Variants in PLAC1 observed in about 807,000 individuals in gnomAD.
The protein encoded by PLAC1 is placenta associated 1, also known as placenta-specific protein 1.
For synonymous variants in PLAC1, 68 were observed against 62.1 expected (o/e 1.09, Z -0.44); for missense variants, 136 against 163.2 (o/e 0.83, Z 0.91).
At chrX:134,569,788 T>TTGTGTGTGTG (rs1222390458) in intron 2 of PLAC1, among the ~76,000 whole-genome samples, 1 of 47,384 alleles carries the variant, frequency 2.1e-5, no homozygotes, top group African/African-American at 8.7e-5. Flanking sequence ...GTGTGTGTGT[T>TTGTGTGTGTG]TGTGTGTGTG....
At chrX:134,692,144 G>A (rs2147822380) in intron 2 of PLAC1, among the ~76,000 whole-genome samples, 1 of 111,856 alleles carries the variant, frequency 8.9e-6, no homozygotes, top group South Asian at 3.7e-4. Flanking sequence ...CTGAACCAGG[G>A]TGTAATAGGC....
intron 2 of PLAC1, among the ~76,000 whole-genome samples, chrX:134,680,695 G>A (rs939478956): frequency 1.1e-4 from 12 of 112,075 alleles, no homozygotes; most frequent in African/African-American, 3.6e-4. Flanking sequence ...AGTTCTATAT[G>A]TGGTGCATTC....
At chrX:134,748,946 A>G (rs2078735123) in intron 1 of PLAC1, among the ~76,000 whole-genome samples, 1 of 112,320 alleles carries the variant, frequency 8.9e-6, no homozygotes, top group Non-Finnish European at 1.9e-5. Flanking sequence ...TTAGAAGAAG[A>G]GTTCTAATCA....
intron 1 of PLAC1, among the ~76,000 whole-genome samples, chrX:134,756,470 C>G (rs1199348026): frequency 9.1e-6 from 1 of 110,307 alleles, no homozygotes; most frequent in Non-Finnish European, 1.9e-5. Flanking sequence ...ACCAAATTAC[C>G]TTTTTGTCCA....
chrX:134,761,866 A>C (rs1248068480), intron 1 of PLAC1, among the ~76,000 whole-genome samples: 1 of 112,351 alleles, frequency 8.9e-6, no homozygotes, highest in East Asian at 2.8e-4. Context: ...AAAAATTATA[A>C]AGAACCTCAA....
At chrX:134,580,488 AC>A (rs1305426044) in intron 2 of PLAC1, among the ~76,000 whole-genome samples, 1 of 112,187 alleles carries the variant, frequency 8.9e-6, no homozygotes, top group Non-Finnish European at 1.9e-5. Flanking sequence ...CAAAGCCAGA[AC>A]GAGAAGCTTC....
rs778191873 is a variant in PLAC1, at chrX:134,718,392, A to C, written n.174+15043T>G. On this transcript the variant is annotated intron_variant and non_coding_transcript_variant, in intron 2 of 2. Transcript: ENST00000466797. Reference sequence around the variant, plus strand: ...CAAATTTGCCCATGGGCATTACTTGAAAAGTACGTAAAGATCACCCTGCTC... The same window carrying C: ...CAAATTTGCCCATGGGCATTACTTGCAAAGTACGTAAAGATCACCCTGCTC... Among the ~76,000 whole-genome samples, 6 of 112,211 alleles carry C rather than the reference A, an allele frequency of 5.3e-5. No homozygotes were observed. In the South Asian group the frequency reaches 2.2e-3, roughly 41 times the overall value.
rs1351125578 is a variant in PLAC1 at position 134,736,671 on chromosome X, A to G, written n.90-3152T>C. 3.6e-5 allele frequency among the ~76,000 whole-genome samples: 4 copies of G among 112,146 alleles called. No individual in the cohort carries two copies. The Admixed American group carries it at 3.8e-4, about 11-fold the overall frequency. On this transcript the variant is annotated intron_variant and non_coding_transcript_variant, in intron 1 of 2. Coordinates refer to the PLAC1 transcript ENST00000466797. The stretch of plus-strand genomic sequence containing the variant: ...GATCCTTGGAAATCGAAGCTTTGCT[A>G]TGCTCATTACTGAGAAGGCTCTGGC...
intron 1 of PLAC1, among the ~76,000 whole-genome samples, chrX:134,618,253 A>G (rs1006602115): frequency 8.9e-6 from 1 of 112,228 alleles, no homozygotes; most frequent in Non-Finnish European, 1.9e-5. Context: ...ACCACTGAGC[A>G]TGGCCCCGGG....
intron 1 of PLAC1, among the ~76,000 whole-genome samples, chrX:134,755,856 CTTT>C (rs776901556): frequency 1.1e-4 from 5 of 45,525 alleles, no homozygotes; most frequent in African/African-American, 2.1e-4. Context: ...CCTTTTCTTT[CTTT>C]TTTTTTTTTT....
intron 1 of PLAC1, among the ~76,000 whole-genome samples, chrX:134,754,671 G>A (rs1002527794): frequency 3.6e-5 from 4 of 109,759 alleles, no homozygotes; most frequent in African/African-American, 1.3e-4. Context: ...ATTTCTTAAG[G>A]GCTCATTAAC....
chrX:134,650,297 A>G (rs1025060979), intron 1 of PLAC1, among the ~76,000 whole-genome samples: 7 of 111,947 alleles, frequency 6.3e-5, no homozygotes, highest in African/African-American at 2.3e-4. Context: ...AGTGTCGGCC[A>G]TGACCCTTAT....
At chrX:134,580,796 G>A (rs2077970200) in intron 2 of PLAC1, among the ~76,000 whole-genome samples, 1 of 111,850 alleles carries the variant, frequency 8.9e-6, no homozygotes, top group African/African-American at 3.3e-5. Context: ...TTATTTCAAT[G>A]TAACACATTT....
At chrX:134,743,579 C>T (rs1292312640) in intron 1 of PLAC1, among the ~76,000 whole-genome samples, 1 of 111,730 alleles carries the variant, frequency 9.0e-6, no homozygotes, top group Non-Finnish European at 1.9e-5. Flanking sequence ...ACATAAGTTA[C>T]AGCAAAGATG....
intron 1 of PLAC1, among the ~76,000 whole-genome samples, chrX:134,745,058 A>G (rs946148083): frequency 1.8e-5 from 2 of 111,226 alleles, no homozygotes; most frequent in African/African-American, 6.5e-5. Context: ...AAAACTAGAA[A>G]TCCAGAGGCA....
At chrX:134,650,246 T>G (rs1323864751) in intron 1 of PLAC1, among the ~76,000 whole-genome samples, 1 of 112,380 alleles carries the variant, frequency 8.9e-6, no homozygotes, top group Admixed American at 9.5e-5. Context: ...TAAATAAATT[T>G]GTTAAATGCT....
At chrX:134,581,546 T>C (rs1393942806) in intron 2 of PLAC1, among the ~76,000 whole-genome samples, 1 of 100,439 alleles carries the variant, frequency 1.0e-5, no homozygotes, top group African/African-American at 3.7e-5. Context: ...TAGTGGGATC[T>C]TGGCTCACTG....
intron 1 of PLAC1, among the ~76,000 whole-genome samples, chrX:134,606,709 T>C (rs2078124735): frequency 8.9e-6 from 1 of 112,275 alleles, no homozygotes; most frequent in Non-Finnish European, 1.9e-5. Flanking sequence ...CACTACTGGG[T>C]ATCTACCTAC....
intron 1 of PLAC1, among the ~76,000 whole-genome samples, chrX:134,603,527 G>T (rs1602827371): frequency 9.9e-6 from 1 of 101,499 alleles, no homozygotes; most frequent in East Asian, 3.1e-4. Flanking sequence ...GTAGAGATGG[G>T]GTTTCACCGT....
Sources: allele counts gnomAD v4.1 joint callset (sites outside exome capture counted in the v4.1 genomes callset), GRCh38; gene constraint gnomAD v4.1.1; transcripts MANE v1.5; gene names NCBI Gene and HGNC (gene_info 2026-07-23, HGNC 2026-07-21).